PRELID2: variants seen among roughly 807,000 people sequenced by gnomAD.
PRELID2 encodes PRELI domain containing 2, also known as PRELI domain-containing protein 2.
In PRELID2, 25 loss-of-function variants were observed where a neutral mutation model predicts 28.4. The ratio of observed to expected loss-of-function variants is 0.88; its 90% CI spans 0.64 to 1.23. The LOEUF (loss-of-function observed/expected upper bound fraction) is 1.23. Ranked by LOEUF, PRELID2 falls within the 50% of genes most tolerant of loss-of-function variation. The pLI is 0.00. For synonymous variants in PRELID2, 76 were observed against 71.6 expected (o/e 1.06, Z -0.31); for missense variants, 201 against 214.4 (o/e 0.94, Z 0.39).
At chr5:145,312,506 A>G in the PRELID2 span, among the ~76,000 whole-genome samples, 15 of 152,024 alleles carry the variant, frequency 9.9e-5, no homozygotes, top group African/African-American at 3.1e-4. Context: ...CCCATTCTCT[A>G]TCTCCTTTAC....
At chr5:145,492,114 C>T (rs1752274940) in intron 1 of PRELID2, among the ~76,000 whole-genome samples, 1 of 152,182 alleles carries the variant, frequency 6.6e-6, no homozygotes, top group Non-Finnish European at 1.5e-5. Context: ...AACCGCCATA[C>T]TATTTCCATA....
chr5:145,636,224 T>A lies in PRELID2; in HGVS notation n.70+128707A>T, dbSNP rs145749317. On this transcript the variant is annotated intron_variant and non_coding_transcript_variant, in intron 1 of 2. Transcript: ENST00000510259. ...AAACTGACAAAGTAGTTAAATTATA[T>A]CGCTTAGGTCACTCAGCTAAGAAGT... is the stretch of plus-strand genomic sequence containing the variant. Among the ~76,000 whole-genome samples, 242 of 152,236 alleles carry A rather than the reference T, an allele frequency of 1.6e-3. 1 individual carries two copies. Among genetic ancestry groups the A allele is most frequent in the Middle Eastern group, 6.8e-3 (2 of 294 alleles).
At chr5:145,461,398 G>T in the PRELID2 span, among the ~76,000 whole-genome samples, 1 of 151,932 alleles carries the variant, frequency 6.6e-6, no homozygotes, top group African/African-American at 2.4e-5. Context: ...TGCCTCCCGG[G>T]TTCACGCCAT....
intron 1 of PRELID2, among the ~76,000 whole-genome samples, chr5:145,555,274 G>C (rs1324129697): frequency 6.6e-6 from 1 of 152,102 alleles, no homozygotes; most frequent in African/African-American, 2.4e-5. Context: ...TTAGATCACT[G>C]ATCTCCTTCT....
At chr5:145,311,914 A>G in the PRELID2 span, among the ~76,000 whole-genome samples, 3 of 152,192 alleles carry the variant, frequency 2.0e-5, no homozygotes, top group African/African-American at 7.2e-5. Context: ...TCTAGTTTTA[A>G]TTGAAATGAA....
chr5:145,338,303 G>A, the PRELID2 span: 18 of 152,188 alleles, frequency 1.2e-4, no homozygotes, highest in African/African-American at 3.9e-4. Context: ...TCTCTGCCTT[G>A]CAGTGTGTGC....
chr5:145,250,297 G>T, the PRELID2 span, among the ~76,000 whole-genome samples: 27 of 152,172 alleles, frequency 1.8e-4, 1 homozygote, highest in Non-Finnish European at 3.7e-4. Context: ...TAATATATCT[G>T]AGTTGATGAG....
intron 1 of PRELID2, among the ~76,000 whole-genome samples, chr5:145,584,779 T>C (rs568238427): frequency 1.3e-5 from 2 of 151,944 alleles, no homozygotes; most frequent in Admixed American, 1.3e-4. Flanking sequence ...AAAGTAATCA[T>C]CACCAGCAGA....
intron 1 of PRELID2, among the ~76,000 whole-genome samples, chr5:145,737,315 T>G (rs1756523387): frequency 6.6e-6 from 1 of 151,928 alleles, no homozygotes; most frequent in African/African-American, 2.4e-5. Context: ...AAGCAATGTT[T>G]CCGCTGAGAA....
chr5:145,455,828 G>A, the PRELID2 span, among the ~76,000 whole-genome samples: 2 of 152,156 alleles, frequency 1.3e-5, no homozygotes, highest in African/African-American at 2.4e-5. Context: ...TGGGTGAGGC[G>A]ACACCCCTCC....
chr5:145,735,244 C>CAAAA (rs112613176), intron 1 of PRELID2, among the ~76,000 whole-genome samples: 1 of 88,516 alleles, frequency 1.1e-5, no homozygotes, highest in African/African-American at 3.5e-5. Flanking sequence ...GTCTCCATCT[C>CAAAA]AAAAAAAAAA....
At chr5:145,431,695 A>G in the PRELID2 span, among the ~76,000 whole-genome samples, 8 of 152,212 alleles carry the variant, frequency 5.3e-5, no homozygotes, top group Admixed American at 5.2e-4. Flanking sequence ...CTACAAAATA[A>G]CTGTAGTTTC....
At chr5:145,793,290 T>C (rs1204595490) in intron 5 of PRELID2, among the ~76,000 whole-genome samples, 1 of 152,104 alleles carries the variant, frequency 6.6e-6, no homozygotes, top group Non-Finnish European at 1.5e-5. Context: ...AAATATAAAG[T>C]TTGTGAGTAC....
In PRELID2 at chr5:145,819,962, G is replaced by A. The variant is rs769073599; in HGVS notation, c.190C>T (p.Pro64Ser). 6.2e-7 allele frequency: 1 copy of A among 1,603,872 alleles called. No homozygotes were observed. Among genetic ancestry groups the A allele is most frequent in the Non-Finnish European group, 8.5e-7 (1 of 1,173,422 alleles). Reference sequence around the variant, plus strand: ...GAACTTACCTTCCTTAAAATTTCTGGAACCACGTTCTGACAGATTGCAATC... The same window carrying A: ...GAACTTACCTTCCTTAAAATTTCTGAAACCACGTTCTGACAGATTGCAATC... Reference protein sequence around the residue: ...KRIAICQNVVPEILRKVSILK... With the variant: ...KRIAICQNVVSEILRKVSILK... The change falls in exon 3 of 7, where the codon CCA becomes TCA. Residue 64 changes from proline (P) to serine (S), a missense_variant. Physicochemically the swap from Pro to Ser is moderately conservative, Grantham distance 74. Transcript: ENST00000683046.
chr5:145,816,192 C>T (rs4495235), intron 4 of PRELID2, among the ~76,000 whole-genome samples: 80,248 of 149,350 alleles, frequency 0.54, 23,920 homozygotes, highest in Non-Finnish European at 0.69. Flanking sequence ...AAGCTATTCT[C>T]GTGCCTCAGC....
intron 1 of PRELID2, among the ~76,000 whole-genome samples, chr5:145,744,650 G>A (rs1285321287): frequency 1.3e-5 from 2 of 152,000 alleles, no homozygotes; most frequent in African/African-American, 2.4e-5. Context: ...CAAACAGAAA[G>A]CAACAACAAC....
intron 4 of PRELID2, among the ~76,000 whole-genome samples, chr5:145,799,421 C>T (rs575337418): frequency 1.7e-4 from 26 of 152,182 alleles, no homozygotes; most frequent in Admixed American, 6.6e-4. Context: ...CTACTATATG[C>T]TAAGTGCCAT....
chr5:145,697,670 T>C (rs892549731), intron 1 of PRELID2, among the ~76,000 whole-genome samples: 1 of 152,178 alleles, frequency 6.6e-6, no homozygotes, highest in Non-Finnish European at 1.5e-5. Flanking sequence ...TTTATCATCA[T>C]CTTATCTGAG....
chr5:145,628,667 G>T (rs780509832), intron 1 of PRELID2, among the ~76,000 whole-genome samples: 19 of 152,058 alleles, frequency 1.2e-4, no homozygotes, highest in Admixed American at 3.9e-4. Context: ...AACTTGAAGT[G>T]GAAGAAATAA....
Sources: allele counts gnomAD v4.1 joint callset (sites outside exome capture counted in the v4.1 genomes callset), GRCh38; gene constraint gnomAD v4.1.1; transcripts MANE v1.5; gene names NCBI Gene and HGNC (gene_info 2026-07-23, HGNC 2026-07-21).